Variants in NLGN1 observed in about 807,000 individuals in gnomAD.
NLGN1 encodes neuroligin-1.
NLGN1 carries 12 observed loss-of-function variants against 65.5 expected under a neutral mutation model. The observed-to-expected ratio is 0.18, with a 90% CI of 0.12 to 0.30. The LOEUF is 0.30. Ranked by LOEUF, NLGN1 falls within the 10% of genes least tolerant of loss-of-function variation. The probability of loss-of-function intolerance (pLI) is 1.00; values close to 1 mark genes in which losing one functional copy is unlikely to be tolerated. For synonymous variants in NLGN1, 350 were observed against 359.5 expected, an observed-to-expected ratio of 0.97 and a Z score of 0.30; for missense variants, 750 against 1,007.1, an observed-to-expected ratio of 0.74 and a Z score of 3.46.
At chr3:173,803,684 TAA>T (rs1308572288) in intron 3 of NLGN1, among the ~76,000 whole-genome samples, 1 of 152,146 alleles carries the variant, frequency 6.6e-6, no homozygotes, top group Non-Finnish European at 1.5e-5. Context: ...ATTTTTAAGC[TAA>T]AAAGGTGTGT....
At chr3:174,116,746 G>A (rs1198647427) in intron 4 of NLGN1, among the ~76,000 whole-genome samples, 1 of 152,094 alleles carries the variant, frequency 6.6e-6, no homozygotes, top group Non-Finnish European at 1.5e-5. Flanking sequence ...TATTAACTCA[G>A]TGCGAATGTA....
chr3:173,956,581 C>A (rs1226956905), intron 4 of NLGN1, among the ~76,000 whole-genome samples: 1 of 152,148 alleles, frequency 6.6e-6, no homozygotes, highest in East Asian at 1.9e-4. Flanking sequence ...CAGGACTTCA[C>A]TGGGGACTCT....
chr3:173,721,406 A>G (rs544800498), intron 3 of NLGN1, among the ~76,000 whole-genome samples: 2 of 152,344 alleles, frequency 1.3e-5, no homozygotes, highest in South Asian at 4.1e-4. Flanking sequence ...TGTATTTTCT[A>G]AGTAAACAAG....
chr3:174,106,230 G>A (rs895967985), intron 4 of NLGN1, among the ~76,000 whole-genome samples: 4 of 151,996 alleles, frequency 2.6e-5, no homozygotes, highest in African/African-American at 9.7e-5. Context: ...TGAGGTGAGA[G>A]GCCTCTTTAA....
At chr3:174,243,575 AT>A (rs1743273957) in intron 4 of NLGN1, among the ~76,000 whole-genome samples, 1 of 151,690 alleles carries the variant, frequency 6.6e-6, no homozygotes, top group Non-Finnish European at 1.5e-5. Context: ...TTCCTTTTCT[AT>A]TCCAGTTTCT....
intron 2 of NLGN1, among the ~76,000 whole-genome samples, chr3:173,458,649 T>C (rs1722884693): frequency 6.6e-6 from 1 of 152,036 alleles, no homozygotes; most frequent in Non-Finnish European, 1.5e-5. Context: ...CATCACCCAC[T>C]CTCTAATCCA....
intron 4 of NLGN1, among the ~76,000 whole-genome samples, chr3:174,140,968 C>T (rs1285006087): frequency 6.6e-6 from 1 of 151,992 alleles, no homozygotes; most frequent in Non-Finnish European, 1.5e-5. Flanking sequence ...AAAGTATTAT[C>T]ATTTGTTATT....
intron 4 of NLGN1, among the ~76,000 whole-genome samples, chr3:174,238,210 A>C (rs1742106425): frequency 6.6e-6 from 1 of 151,960 alleles, no homozygotes; most frequent in African/African-American, 2.4e-5. Context: ...GCTAATTTGT[A>C]CTTGCTAATT....
chr3:174,265,763 CTATATATATATATATATATGTATATATA>C (rs1002454219), intron 4 of NLGN1, among the ~76,000 whole-genome samples: 1 of 125,666 alleles, frequency 8.0e-6, no homozygotes. Context: ...ACTAAGAAGG[CTATATATATATATATATATGTATATATA>C]TATATATATA....
At chr3:173,428,119 T>C (rs13076807) in intron 1 of NLGN1, among the ~76,000 whole-genome samples, 68 of 152,062 alleles carry the variant, frequency 4.5e-4, no homozygotes, top group African/African-American at 1.5e-3. Context: ...CTGATATAAG[T>C]TTAGCTACTG....
intron 2 of NLGN1, among the ~76,000 whole-genome samples, chr3:173,532,481 A>C (rs562162346): frequency 6.6e-6 from 1 of 152,318 alleles, no homozygotes; most frequent in African/African-American, 2.4e-5. Flanking sequence ...GTCTTAAAGC[A>C]AACCAGAATT....
chr3:173,588,053 T>C (rs1011659916), intron 2 of NLGN1, among the ~76,000 whole-genome samples: 11 of 152,208 alleles, frequency 7.2e-5, no homozygotes, highest in African/African-American at 2.7e-4. Context: ...AGTGCAAATC[T>C]TCCATCTCTT....
rs781327030 is a variant in NLGN1 at position 173,757,369 on chromosome 3, T to C, written c.494-50311T>C. Among the ~76,000 whole-genome samples, 23 of 152,104 alleles carry C rather than the reference T, an allele frequency of 1.5e-4. 1 individual carries two copies. The highest frequency in any genetic ancestry group is 3.4e-3 in the Middle Eastern group (1 of 294). On this transcript the variant is annotated intron_variant, in intron 3 of 6. Coordinates refer to ENST00000457714, the Ensembl canonical transcript of NLGN1. ...TTAAGAAATATTCTTGTAAAAAAAATTAAAAGTTGTACCTGAATCTAATCA... is the reference window on the plus strand; with the variant it reads ...TTAAGAAATATTCTTGTAAAAAAAACTAAAAGTTGTACCTGAATCTAATCA...
chr3:173,445,267 C>CAAAA lies in NLGN1; in HGVS notation c.-321+10214_-321+10217dup, dbSNP rs60140480. On this transcript the variant is annotated intron_variant, in intron 2 of 6. Transcript: ENST00000457714. Reference sequence around the variant, plus strand: ...TGGGCGACAGAGCGAGACTCCGTCTCAAAAAAAAAAAAAAAAAAAAAAAAA... The same window carrying CAAAA: ...TGGGCGACAGAGCGAGACTCCGTCTCAAAAAAAAAAAAAAAAAAAAAAAAAAAAA... 8.9e-4 allele frequency among the ~76,000 whole-genome samples: 92 copies of CAAAA among 103,478 alleles called. 2 individuals are homozygous for CAAAA. Among genetic ancestry groups the CAAAA allele is most frequent in the Middle Eastern group, 4.9e-3 (1 of 204 alleles). The allele number at this position is 103,478 out of a possible 152,430, so 67.9% of individuals were successfully genotyped here.
At chr3:174,182,941 C>T (rs1359496705) in intron 4 of NLGN1, among the ~76,000 whole-genome samples, 1 of 152,174 alleles carries the variant, frequency 6.6e-6, no homozygotes, top group Admixed American at 6.5e-5. Context: ...TTCTAAAATA[C>T]AAAACCGACT....
At position 174,124,598 on chromosome 3, in the gene NLGN1, T is replaced by TAC. The variant is rs200022196; in HGVS notation, c.647-150715_647-150714dup. 3.3e-3 allele frequency among the ~76,000 whole-genome samples: 264 copies of TAC among 80,126 alleles called. 2 individuals carry two copies. The highest frequency in any genetic ancestry group is 0.019 in the African/African-American group (163 of 8,400). The allele number at this position is 80,126 out of a possible 152,430, so 52.6% of individuals were successfully genotyped here. ...ACACATATATACGTATATATACGTA[T>TAC]ACATATATACGTATATATACGTATA... On this transcript the variant is annotated intron_variant, in intron 4 of 6. Coordinates refer to ENST00000457714, the Ensembl canonical transcript of NLGN1.
intron 2 of NLGN1, among the ~76,000 whole-genome samples, chr3:173,497,630 A>T (rs1468038109): frequency 2.0e-5 from 3 of 151,920 alleles, no homozygotes; most frequent in Middle Eastern, 3.4e-3. Flanking sequence ...GCTACAAAAA[A>T]TGTCTTCAAA....
At chr3:174,096,008 A>C (rs1745459316) in intron 4 of NLGN1, among the ~76,000 whole-genome samples, 2 of 151,810 alleles carry the variant, frequency 1.3e-5, no homozygotes, top group Admixed American at 1.3e-4. Context: ...TAAAAAAATA[A>C]ATAAATAAAT....
chr3:174,086,857 A>T (rs1018582853), intron 4 of NLGN1, among the ~76,000 whole-genome samples: 2 of 152,048 alleles, frequency 1.3e-5, no homozygotes, highest in Admixed American at 1.3e-4. Context: ...CAGTTATTTT[A>T]TTTTTCTTGT....
Sources: gnomAD v4.1 joint callset for allele counts (sites outside exome capture counted in the v4.1 genomes callset) on GRCh38, gnomAD v4.1.1 for gene constraint, MANE v1.5 for transcripts, NCBI Gene and HGNC (gene_info 2026-07-23, HGNC 2026-07-21) for gene names.